The following ROBO2 variants were observed in gnomAD, a reference collection of about 807,000 sequenced individuals.
The protein encoded by ROBO2 is roundabout homolog 2.
Under a neutral mutation model 160.8 loss-of-function variants are expected in ROBO2, and 53 were observed. That is an observed-to-expected ratio of 0.33 (90% confidence interval 0.26 to 0.41). ROBO2 has a LOEUF of 0.41. Among genes scored for constraint, ROBO2 ranks in the 10% least tolerant of loss-of-function variants. The pLI is 1.00. For synonymous variants in ROBO2, 664 were observed against 611.7 expected, an observed-to-expected ratio of 1.09 and a Z score of -1.26; for missense variants, 1,577 against 1,722.4, an observed-to-expected ratio of 0.92 and a Z score of 1.49.
chr3:76,152,661 C>T (rs2072255919), intron 2 of ROBO2, among the ~76,000 whole-genome samples: 1 of 152,026 alleles, frequency 6.6e-6, no homozygotes, highest in Non-Finnish European at 1.5e-5. Context: ...CCAGTGAATT[C>T]TTACAAATTG....
In ROBO2 at chr3:76,798,315, A is replaced by AG. The variant is rs201186154; in HGVS notation, c.110-299699_110-299698insG. Reference sequence around the variant, plus strand: ...AAGAAAGAAAGAAAGAAAGAAAGAAAAAAGAACGAATGAACTAAAGGCCAA... The same window carrying AG: ...AAGAAAGAAAGAAAGAAAGAAAGAAAGAAAGAACGAATGAACTAAAGGCCAA... On this transcript the variant is annotated intron_variant, in intron 2 of 26. Coordinates refer to the ROBO2 transcript ENST00000487694. Among the ~76,000 whole-genome samples, 296 of 146,482 alleles carry AG rather than the reference A, an allele frequency of 2.0e-3. 2 individuals carry two copies. Among genetic ancestry groups the AG allele is most frequent in the Admixed American group, 8.3e-3 (122 of 14,634 alleles).
chr3:75,998,094 A>T (rs781400540), intron 2 of ROBO2, among the ~76,000 whole-genome samples: 7 of 152,216 alleles, frequency 4.6e-5, no homozygotes, highest in Admixed American at 2.0e-4. Context: ...AACCGGACAG[A>T]TTCTAATCAT....
chr3:76,296,307 C>T (rs1321567551), intron 2 of ROBO2, among the ~76,000 whole-genome samples: 1 of 152,170 alleles, frequency 6.6e-6, no homozygotes, highest in African/African-American at 2.4e-5. Flanking sequence ...CCTCTGGCCT[C>T]CAGAACTGTG....
chr3:77,189,166 C>T (rs1205746311), intron 2 of ROBO2, among the ~76,000 whole-genome samples: 1 of 151,762 alleles, frequency 6.6e-6, no homozygotes, highest in African/African-American at 2.4e-5. Flanking sequence ...GATGAAATTT[C>T]TGAGAATTTT....
At chr3:77,052,078 C>G (rs1197940744) in intron 1 of ROBO2, among the ~76,000 whole-genome samples, 2 of 152,130 alleles carry the variant, frequency 1.3e-5, no homozygotes, top group Non-Finnish European at 2.9e-5. Flanking sequence ...AGATGACATG[C>G]CTTCTTTACT....
chr3:76,580,110 G>T (rs1204541313), intron 2 of ROBO2, among the ~76,000 whole-genome samples: 1 of 152,078 alleles, frequency 6.6e-6, no homozygotes, highest in Admixed American at 6.6e-5. Flanking sequence ...CCTGATTTAG[G>T]ATATCAGTAG....
chr3:77,625,198 T>C (rs781310972), intron 23 of ROBO2, among the ~76,000 whole-genome samples: 4 of 152,132 alleles, frequency 2.6e-5, no homozygotes, highest in Non-Finnish European at 5.9e-5. Flanking sequence ...TATCCCATAA[T>C]CTCAGTACTG....
chr3:76,961,656 C>T (rs2079672789), intron 2 of ROBO2, among the ~76,000 whole-genome samples: 1 of 152,176 alleles, frequency 6.6e-6, no homozygotes, highest in East Asian at 1.9e-4. Flanking sequence ...GGTTATTACA[C>T]TTTCAGAGCC....
chr3:77,142,595 A>T (rs2150440941), intron 2 of ROBO2, among the ~76,000 whole-genome samples: 1 of 152,324 alleles, frequency 6.6e-6, no homozygotes, highest in Non-Finnish European at 1.5e-5. Context: ...CATGGAATAC[A>T]AAATAAATTG....
At chr3:76,195,862 G>T (rs1350051541) in intron 2 of ROBO2, among the ~76,000 whole-genome samples, 2 of 152,106 alleles carry the variant, frequency 1.3e-5, no homozygotes, top group Non-Finnish European at 2.9e-5. Context: ...CATTGCAAAG[G>T]GGTGTGAGGT....
chr3:77,294,920 C>T (rs1196121363), intron 2 of ROBO2, among the ~76,000 whole-genome samples: 1 of 138,802 alleles, frequency 7.2e-6, no homozygotes, highest in East Asian at 2.2e-4. Flanking sequence ...TAGATCACCC[C>T]AGACATAAAG....
At chr3:76,203,455 T>TGC (rs1323677505) in intron 2 of ROBO2, among the ~76,000 whole-genome samples, 6 of 133,442 alleles carry the variant, frequency 4.5e-5, no homozygotes, top group African/African-American at 2.9e-5. Flanking sequence ...ACCATGAGAT[T>TGC]CTCAGGCTGT....
intron 2 of ROBO2, among the ~76,000 whole-genome samples, chr3:76,820,788 C>T (rs899238252): frequency 4.0e-5 from 6 of 151,822 alleles, no homozygotes; most frequent in African/African-American, 9.7e-5. Flanking sequence ...GTATCTGCTT[C>T]GTTATGAATC....
chr3:76,882,677 CT>C (rs2073475955), intron 2 of ROBO2, among the ~76,000 whole-genome samples: 1 of 152,110 alleles, frequency 6.6e-6, no homozygotes, highest in Non-Finnish European at 1.5e-5. Context: ...AGGTTATATG[CT>C]TTTAAAAATC....
chr3:77,290,808 G>A (rs1461006288), intron 2 of ROBO2, among the ~76,000 whole-genome samples: 1 of 102,386 alleles, frequency 9.8e-6, no homozygotes, highest in Non-Finnish European at 2.2e-5. Context: ...GATCACCCCA[G>A]ACATAAAGTA....
intron 2 of ROBO2, among the ~76,000 whole-genome samples, chr3:77,360,252 A>ACCC (rs34393190): frequency 4.2e-5 from 6 of 143,888 alleles, no homozygotes; most frequent in East Asian, 2.2e-4. Context: ...ATGTAATGCA[A>ACCC]CCCCCCCCCC....
intron 2 of ROBO2, among the ~76,000 whole-genome samples, chr3:76,021,256 C>T (rs2066567029): frequency 6.6e-6 from 1 of 151,778 alleles, no homozygotes; most frequent in African/African-American, 2.4e-5. Context: ...ATATTGCCAT[C>T]ATAGAAGCAA....
At chr3:76,300,770 G>A (rs1372761939) in intron 2 of ROBO2, among the ~76,000 whole-genome samples, 1 of 152,032 alleles carries the variant, frequency 6.6e-6, no homozygotes. Context: ...GGAAGTTTCA[G>A]AGGCTAATGA....
chr3:77,194,002 T>C (rs1274268844), intron 2 of ROBO2, among the ~76,000 whole-genome samples: 4 of 152,208 alleles, frequency 2.6e-5, no homozygotes, highest in African/African-American at 4.8e-5. Context: ...GTTTTGTTTT[T>C]CCCACACAAC....
Sources: gnomAD v4.1 joint callset for allele counts (sites outside exome capture counted in the v4.1 genomes callset) on GRCh38, gnomAD v4.1.1 for gene constraint, MANE v1.5 for transcripts, NCBI Gene and HGNC (gene_info 2026-07-23, HGNC 2026-07-21) for gene names.